ATP11C: variants seen among roughly 807,000 people sequenced by gnomAD.
ATP11C encodes the protein phospholipid-transporting ATPase IG.
ATP11C carries 36 observed loss-of-function variants against 97.4 expected under a neutral mutation model. The observed-to-expected ratio is 0.37, with a 90% confidence interval of 0.28 to 0.49. The LOEUF (loss-of-function observed/expected upper bound fraction) is 0.49. Among genes scored for constraint, ATP11C ranks in the 20% least tolerant of loss-of-function variants. ATP11C has a pLI of 0.98. For synonymous variants in ATP11C, 275 were observed against 290.9 expected, an observed-to-expected ratio of 0.95 and a Z score of 0.56; for missense variants, 730 against 824.6, an observed-to-expected ratio of 0.89 and a Z score of 1.40.
intron 16 of ATP11C, among the ~76,000 whole-genome samples, chrX:139,784,541 T>A (rs903529069): frequency 2.7e-5 from 3 of 111,331 alleles, no homozygotes; most frequent in African/African-American, 6.5e-5. Context: ...CACACACGTA[T>A]CTGAGAGCCT....
At chrX:139,786,270 T>A (rs1355882470) in intron 15 of ATP11C, among the ~76,000 whole-genome samples, 1 of 111,904 alleles carries the variant, frequency 8.9e-6, no homozygotes, top group African/African-American at 3.2e-5. Flanking sequence ...TAGTATTTTT[T>A]AAAAAAAGTA....
chrX:139,918,675 CAAAAAAAA>C (rs59502861), intron 1 of ATP11C, among the ~76,000 whole-genome samples: 19 of 41,061 alleles, frequency 4.6e-4, no homozygotes, highest in Non-Finnish European at 7.7e-4. Context: ...AACCCCATTT[CAAAAAAAA>C]AAAAAAAAAA....
chrX:139,880,540 A>T (rs1342632241), intron 1 of ATP11C, among the ~76,000 whole-genome samples: 1 of 111,409 alleles, frequency 9.0e-6, no homozygotes, highest in East Asian at 2.8e-4. Context: ...AAAACTTGGA[A>T]AACAAAGGAG....
chrX:139,789,462 A>C lies in ATP11C; in HGVS notation c.1233T>G (p.Thr411=). ...GQVDYVFTDK[T]GTLTENSMEF... ...CCATGCTGTTTTCAGTGAGTGTTCC[A>C]GTCTTATCTGTAAATACATAATCCA... The change falls in exon 13 of 30, where the codon ACT becomes ACG. Residue 411 remains threonine, a synonymous_variant. Transcript: ENST00000682941. 8.3e-7 allele frequency: 1 copy of C among 1,198,447 alleles called. No individual in the cohort carries two copies. The highest frequency in any genetic ancestry group is 1.9e-5 in the South Asian group (1 of 53,118).
chrX:139,816,439 T>G (rs1391009525), intron 4 of ATP11C, among the ~76,000 whole-genome samples: 1 of 111,990 alleles, frequency 8.9e-6, no homozygotes, highest in Non-Finnish European at 1.9e-5. Context: ...CCCCTCTACC[T>G]ACTACCCCCT....
At chrX:139,868,928 G>C (rs748701580) in intron 1 of ATP11C, among the ~76,000 whole-genome samples, 5 of 111,436 alleles carry the variant, frequency 4.5e-5, no homozygotes, top group African/African-American at 6.5e-5. Context: ...TATCACTTCA[G>C]ACCTGATAGA....
chrX:139,789,605 G>A (rs2082646819), intron 12 of ATP11C, 117 bp from the exon 13 acceptor site: 3 of 501,346 alleles, frequency 6.0e-6, no homozygotes, highest in Non-Finnish European at 9.3e-6. Context: ...AAGACTTCTT[G>A]TCAAATGTCA....
intron 1 of ATP11C, among the ~76,000 whole-genome samples, chrX:139,903,618 A>G (rs1450691100): frequency 9.2e-6 from 1 of 108,770 alleles, no homozygotes; most frequent in Non-Finnish European, 1.9e-5. Context: ...AAAAAAAAAA[A>G]TTAACTATAA....
chrX:139,832,659 T>C (rs59964406), intron 1 of ATP11C, among the ~76,000 whole-genome samples: 2,592 of 112,188 alleles, frequency 0.023, 85 homozygotes, highest in African/African-American at 0.079. Flanking sequence ...CTTTTAGTTG[T>C]AGTTTAAGAG....
At chrX:139,814,305 T>C (rs1255063036) in intron 5 of ATP11C, among the ~76,000 whole-genome samples, 2 of 111,057 alleles carry the variant, frequency 1.8e-5, no homozygotes, top group Non-Finnish European at 3.8e-5. Flanking sequence ...TGTAAAATGG[T>C]ACAGGCACTA....
chrX:139,789,931 G>A (rs2082654052), intron 12 of ATP11C, among the ~76,000 whole-genome samples: 1 of 109,454 alleles, frequency 9.1e-6, no homozygotes, highest in South Asian at 4.1e-4. Context: ...TTGGGAGGCT[G>A]AGGCACAAGA....
chrX:139,860,687 G>C (rs1228275184), intron 1 of ATP11C, among the ~76,000 whole-genome samples: 1 of 111,608 alleles, frequency 9.0e-6, no homozygotes, highest in African/African-American at 3.3e-5. Flanking sequence ...GCATAGTGAT[G>C]CACATCTGTA....
chrX:139,779,260 C>T (rs1421298439), intron 18 of ATP11C, among the ~76,000 whole-genome samples: 1 of 112,157 alleles, frequency 8.9e-6, no homozygotes, highest in Non-Finnish European at 1.9e-5. Flanking sequence ...ACAAAACACT[C>T]TACTCAACAA....
intron 1 of ATP11C, among the ~76,000 whole-genome samples, chrX:139,895,550 G>A (rs1212518140): frequency 3.6e-5 from 4 of 111,375 alleles, no homozygotes; most frequent in Non-Finnish European, 7.5e-5. Flanking sequence ...GATTACAGGT[G>A]TGAGCCATTG....
Position 139,896,554 on chromosome X carries a change from C to T in ATP11C, c.27+35462G>A, listed in dbSNP as rs1354095638. ...AACTTCAGTTAATTTTATACACACACACACACACACACACACACACACACA... is the reference window on the plus strand; with the variant it reads ...AACTTCAGTTAATTTTATACACACATACACACACACACACACACACACACA... On this transcript the variant is annotated intron_variant, in intron 1 of 29. Transcript: ENST00000682941. 1.7e-4 allele frequency among the ~76,000 whole-genome samples: 14 copies of T among 81,540 alleles called. No homozygotes were observed. In the East Asian group the frequency reaches 4.8e-3, roughly 28 times the overall value. The allele number at this position is 81,540 out of a possible 115,157, so 70.8% of individuals were successfully genotyped here. A position where few individuals can be genotyped will look rare whatever the true frequency, so the allele number is the denominator to read the frequency against.
At chrX:139,743,432 A>T in intron 26 of ATP11C, 127 bp downstream of exon 26, 1 of 440,501 alleles carries the variant, frequency 2.3e-6, no homozygotes, top group Non-Finnish European at 3.9e-6. Flanking sequence ...AGTAAGTATT[A>T]AGGCAAACAC....
At chrX:139,800,398 CCT>C (rs934279624) in intron 7 of ATP11C, among the ~76,000 whole-genome samples, 4 of 112,167 alleles carry the variant, frequency 3.6e-5, no homozygotes, top group Non-Finnish European at 7.5e-5. Context: ...GCACACAACA[CCT>C]CTCTCTTTTA....
chrX:139,833,171 G>T (rs1439623282), intron 1 of ATP11C, among the ~76,000 whole-genome samples: 1 of 112,000 alleles, frequency 8.9e-6, no homozygotes, highest in Non-Finnish European at 1.9e-5. Context: ...ATACAAGTTG[G>T]AGTGTGTCCA....
intron 1 of ATP11C, among the ~76,000 whole-genome samples, chrX:139,920,103 T>C (rs1156569729): frequency 1.8e-5 from 2 of 111,244 alleles, no homozygotes; most frequent in Non-Finnish European, 3.8e-5. Flanking sequence ...CTCACGCCTA[T>C]AATCCCAGCA....
Sources: allele counts gnomAD v4.1 joint callset (sites outside exome capture counted in the v4.1 genomes callset), GRCh38; gene constraint gnomAD v4.1.1; transcripts MANE v1.5; gene names NCBI Gene and HGNC (gene_info 2026-07-23, HGNC 2026-07-21).